MARCHF1: variants seen among roughly 807,000 people sequenced by gnomAD.
The protein encoded by MARCHF1 is membrane associated ring-CH-type finger 1.
A neutral mutation model predicts 54.2 loss-of-function variants in MARCHF1; 40 were observed. The observed-to-expected ratio is 0.74, with a 90% CI of 0.57 to 0.96. MARCHF1 has a LOEUF of 0.96. MARCHF1 is among the 40% of genes least tolerant of loss of function. The pLI, the probability that MARCHF1 is intolerant of heterozygous loss-of-function variation, is 0.00. For synonymous variants in MARCHF1, 236 were observed against 236.3 expected (o/e 1.00, Z 0.01); for missense variants, 586 against 656.5 (o/e 0.89, Z 1.17).
chr4:164,034,797 A>G (rs904278811), intron 2 of MARCHF1, among the ~76,000 whole-genome samples: 2 of 152,212 alleles, frequency 1.3e-5, no homozygotes, highest in African/African-American at 4.8e-5. Flanking sequence ...AGCATTTTGT[A>G]TGTAACACTT....
chr4:163,957,345 C>G (rs1286299731), intron 3 of MARCHF1, among the ~76,000 whole-genome samples: 1 of 152,028 alleles, frequency 6.6e-6, no homozygotes, highest in Non-Finnish European at 1.5e-5. Flanking sequence ...TAAGTCCATG[C>G]AGCAGAACAA....
chr4:163,983,929 C>T (rs1752810020), intron 3 of MARCHF1, among the ~76,000 whole-genome samples: 1 of 148,318 alleles, frequency 6.7e-6, no homozygotes, highest in Non-Finnish European at 1.5e-5. Context: ...GTTTTTTTAA[C>T]TTTTTAATTT....
intron 2 of MARCHF1, among the ~76,000 whole-genome samples, chr4:164,100,541 A>T (rs1553981735): frequency 6.6e-6 from 1 of 152,266 alleles, no homozygotes; most frequent in Non-Finnish European, 1.5e-5. Context: ...CTAAATGAAT[A>T]AAGTCATTCA....
intron 5 of MARCHF1, among the ~76,000 whole-genome samples, chr4:163,694,479 G>A (rs1402463845): frequency 6.6e-6 from 1 of 152,154 alleles, no homozygotes; most frequent in Non-Finnish European, 1.5e-5. Context: ...TGCCTCAAGA[G>A]GGGACAAAGT....
chr4:164,311,823 A>G (rs1734857117), intron 1 of MARCHF1, among the ~76,000 whole-genome samples: 1 of 152,252 alleles, frequency 6.6e-6, no homozygotes, highest in South Asian at 2.1e-4. Flanking sequence ...TATGCACCAA[A>G]TAATAAAGAT....
intron 5 of MARCHF1, among the ~76,000 whole-genome samples, chr4:163,697,647 T>C (rs979096214): frequency 5.9e-5 from 9 of 152,208 alleles, no homozygotes; most frequent in Non-Finnish European, 8.8e-5. Flanking sequence ...CCATTCTAGA[T>C]GGAGTCCTTT....
At chr4:164,231,611 G>A (rs569657690) in intron 1 of MARCHF1, among the ~76,000 whole-genome samples, 2 of 152,088 alleles carry the variant, frequency 1.3e-5, no homozygotes, top group African/African-American at 4.8e-5. Context: ...TTAGAAATGA[G>A]TATAGACATT....
rs554277283 is a variant in MARCHF1 at position 163,735,138 on chromosome 4, C to T, written c.112-34275G>A. Among the ~76,000 whole-genome samples the T allele has an allele frequency of 2.6e-5, 4 of 152,242 alleles. No homozygotes were observed. The South Asian group carries it at 8.3e-4, about 32-fold the overall frequency. On this transcript the variant is annotated intron_variant, in intron 4 of 9. Coordinates refer to ENST00000514618, the MANE Select transcript of MARCHF1 (RefSeq NM_001394959.1). ...TCCTCATTTTCTTTAATTCTCTAAT[C>T]CAGTGTTACCTTCTCAGAGAAAGCT...
rs553802832 is a variant in MARCHF1 at position 164,150,535 on chromosome 4, C to A, written c.-322-38873G>T. Among the ~76,000 whole-genome samples, 3 of 152,212 alleles carry A rather than the reference C, an allele frequency of 2.0e-5. No individual in the cohort carries two copies. The East Asian group carries it at 5.8e-4, about 29-fold the overall frequency. ...AAATTTCAGCTGTGATTGTTCTGAC[C>A]TTGCCCTACTCTGGTGGTCTTGAGC... On this transcript the variant is annotated intron_variant, in intron 1 of 9. Coordinates refer to ENST00000514618, the MANE Select transcript of MARCHF1 (RefSeq NM_001394959.1).
At chr4:163,643,552 A>G (rs907230368) in intron 5 of MARCHF1, among the ~76,000 whole-genome samples, 1 of 152,126 alleles carries the variant, frequency 6.6e-6, no homozygotes. Flanking sequence ...AAAATATTAA[A>G]TTTAACATTT....
rs1243921155 is a variant in MARCHF1 at position 163,760,597 on chromosome 4, A to G, written c.112-59734T>C. On this transcript the variant is annotated intron_variant, in intron 4 of 9. Transcript: ENST00000514618. ...TGCAACATTTTCTAGTCATACAACA[A>G]GAGTTTTCCCTAAGGGATGCAGAAC... Among the ~76,000 whole-genome samples, 3 of 152,234 alleles carry G rather than the reference A, an allele frequency of 2.0e-5. No individual in the cohort carries two copies. In the East Asian group the frequency reaches 5.8e-4, roughly 29 times the overall value.
At chr4:164,351,681 G>A (rs1730341279) in intron 1 of MARCHF1, among the ~76,000 whole-genome samples, 1 of 151,888 alleles carries the variant, frequency 6.6e-6, no homozygotes, top group South Asian at 2.1e-4. Context: ...CAGAAAAACT[G>A]GAAACTCTAA....
At chr4:163,589,010 G>A (rs963960813) in intron 7 of MARCHF1, among the ~76,000 whole-genome samples, 2 of 143,288 alleles carry the variant, frequency 1.4e-5, no homozygotes, top group Admixed American at 7.1e-5. Context: ...CAATAAAAAC[G>A]AAAACCCCAC....
intron 1 of MARCHF1, among the ~76,000 whole-genome samples, chr4:164,150,076 G>C (rs1323546094): frequency 1.3e-5 from 2 of 152,082 alleles, no homozygotes; most frequent in East Asian, 3.8e-4. Flanking sequence ...GCCAAAAACA[G>C]CATAAAATAA....
chr4:164,282,516 C>T (rs1050094440), intron 1 of MARCHF1, among the ~76,000 whole-genome samples: 1 of 150,814 alleles, frequency 6.6e-6, no homozygotes, highest in African/African-American at 2.4e-5. Context: ...ACCTATACTA[C>T]TTTCCCACCA....
At chr4:163,703,327 G>T (rs1378752268) in intron 4 of MARCHF1, among the ~76,000 whole-genome samples, 2 of 151,896 alleles carry the variant, frequency 1.3e-5, no homozygotes, top group Non-Finnish European at 2.9e-5. Context: ...ATCATTCTCT[G>T]CCCAGGGGGA....
chr4:163,870,112 T>C (rs1185831201), intron 3 of MARCHF1, among the ~76,000 whole-genome samples: 1 of 152,170 alleles, frequency 6.6e-6, no homozygotes. Flanking sequence ...CATAGTTTAA[T>C]GGCTGATTTT....
intron 3 of MARCHF1, among the ~76,000 whole-genome samples, chr4:163,948,852 G>A (rs966495886): frequency 1.3e-5 from 2 of 152,202 alleles, no homozygotes; most frequent in Admixed American, 6.5e-5. Flanking sequence ...GCTTTAAAAA[G>A]ACAATGATTA....
At chr4:163,710,375 AT>A (rs1745071239) in intron 4 of MARCHF1, among the ~76,000 whole-genome samples, 2 of 152,096 alleles carry the variant, frequency 1.3e-5, no homozygotes, top group Non-Finnish European at 2.9e-5. Context: ...AACATAATAT[AT>A]TATGTACTTA....
Sources: gnomAD v4.1 joint callset for allele counts (sites outside exome capture counted in the v4.1 genomes callset) on GRCh38, gnomAD v4.1.1 for gene constraint, MANE v1.5 for transcripts, NCBI Gene and HGNC (gene_info 2026-07-23, HGNC 2026-07-21) for gene names.